The following DPYD variants were observed in gnomAD, a reference collection of about 807,000 sequenced individuals.
The protein encoded by DPYD is dihydropyrimidine dehydrogenase.
Under a neutral mutation model 116.2 loss-of-function variants are expected in DPYD, and 109 were observed. The ratio of observed to expected loss-of-function variants is 0.94; its 90% CI spans 0.80 to 1.10. The LOEUF (loss-of-function observed/expected upper bound fraction) is 1.10. DPYD is among the 50% of genes least tolerant of loss of function. DPYD has a pLI of 0.00. For missense variants in DPYD, 1,302 were observed against 1,254.5 expected, an observed-to-expected ratio of 1.04 and a Z score of -0.57; for synonymous variants, 440 against 432.0, an observed-to-expected ratio of 1.02 and a Z score of -0.23.
At chr1:97,552,376 A>T (rs1265507495) in intron 11 of DPYD, among the ~76,000 whole-genome samples, 1 of 152,100 alleles carries the variant, frequency 6.6e-6, no homozygotes, top group African/African-American at 2.4e-5. Context: ...ATTCACTTTA[A>T]CACTCCACCT....
At chr1:97,503,794 G>GA (rs896179165) in intron 13 of DPYD, among the ~76,000 whole-genome samples, 8 of 150,014 alleles carry the variant, frequency 5.3e-5, no homozygotes, top group Non-Finnish European at 1.0e-4. Context: ...ACAAAATCCA[G>GA]AAAAAAAAAT....
At chr1:97,407,304 T>A (rs1384329379) in intron 14 of DPYD, among the ~76,000 whole-genome samples, 2 of 152,196 alleles carry the variant, frequency 1.3e-5, no homozygotes, top group Non-Finnish European at 2.9e-5. Context: ...TAAAACATTT[T>A]CTTTAAAGAT....
intron 16 of DPYD, among the ~76,000 whole-genome samples, chr1:97,337,201 T>C (rs951134445): frequency 6.6e-6 from 1 of 152,046 alleles, no homozygotes; most frequent in Non-Finnish European, 1.5e-5. Context: ...AAATGAAAAA[T>C]GTAAAAGCTG....
rs59090402 is a variant in DPYD, at chr1:97,469,397, C to CAAAAAAAAAAAAAAAAAAA, written c.1741-19193_1741-19175dup. On this transcript the variant is annotated intron_variant, in intron 13 of 22. Transcript: ENST00000370192. The stretch of plus-strand genomic sequence containing the variant: ...ATAGCTCTAAGGGAAGCTAAAATTG[C>CAAAAAAAAAAAAAAAAAAA]AAAAAAAAAAAAAAAAAAAAAAAAA... Among the ~76,000 whole-genome samples, 51 of 80,806 alleles carry CAAAAAAAAAAAAAAAAAAA rather than the reference C, an allele frequency of 6.3e-4. 2 individuals carry two copies. Among genetic ancestry groups the CAAAAAAAAAAAAAAAAAAA allele is most frequent in the African/African-American group, 2.4e-3 (45 of 18,472 alleles). The allele number at this position is 80,806 out of a possible 152,430, so 53.0% of individuals were successfully genotyped here.
At chr1:97,209,104 G>A (rs1659869979) in intron 19 of DPYD, among the ~76,000 whole-genome samples, 1 of 152,014 alleles carries the variant, frequency 6.6e-6, no homozygotes, top group Admixed American at 6.6e-5. Flanking sequence ...TTGAGACAAG[G>A]AAATGACCTG....
chr1:97,454,250 T>C (rs1676568562), intron 13 of DPYD, among the ~76,000 whole-genome samples: 1 of 151,964 alleles, frequency 6.6e-6, no homozygotes, highest in African/African-American at 2.4e-5. Flanking sequence ...GAAAGATGAA[T>C]GAAAACACAT....
intron 20 of DPYD, among the ~76,000 whole-genome samples, chr1:97,129,639 T>G (rs1281856862): frequency 6.6e-6 from 1 of 152,138 alleles, no homozygotes; most frequent in East Asian, 1.9e-4. Flanking sequence ...TGATCTCACA[T>G]GGCCTATTCC....
At chr1:97,581,326 C>CAAAAAAAA (rs1161399547) in intron 10 of DPYD, among the ~76,000 whole-genome samples, 1 of 66,602 alleles carries the variant, frequency 1.5e-5, no homozygotes, top group Non-Finnish European at 2.5e-5. Flanking sequence ...GACTCAGTCT[C>CAAAAAAAA]AAAAAAAAAA....
chr1:97,537,439 C>T (rs531478143), intron 12 of DPYD, among the ~76,000 whole-genome samples: 1 of 152,104 alleles, frequency 6.6e-6, no homozygotes, highest in South Asian at 2.1e-4. Flanking sequence ...AAAGATAATT[C>T]CTTTAAAATG....
At chr1:97,809,125 G>C (rs967405086) in intron 3 of DPYD, among the ~76,000 whole-genome samples, 5 of 152,130 alleles carry the variant, frequency 3.3e-5, no homozygotes, top group South Asian at 2.1e-4. Flanking sequence ...AGTGGGTTTT[G>C]AACAGAAGAG....
At chr1:97,290,875 A>T (rs1666098367) in intron 18 of DPYD, among the ~76,000 whole-genome samples, 1 of 152,252 alleles carries the variant, frequency 6.6e-6, no homozygotes, top group Non-Finnish European at 1.5e-5. Flanking sequence ...ACAGCAAAAG[A>T]AACTACCATC....
chr1:97,350,031 AGACAAAGTTAATT>A (rs763138123), intron 16 of DPYD, among the ~76,000 whole-genome samples: 30 of 152,046 alleles, frequency 2.0e-4, no homozygotes, highest in Middle Eastern at 3.2e-3. Flanking sequence ...AGAAACAGAA[AGACAAAGTTAATT>A]TTTAAGCAAA....
At chr1:97,322,090 G>A (rs1204238447) in intron 16 of DPYD, among the ~76,000 whole-genome samples, 1 of 104,150 alleles carries the variant, frequency 9.6e-6, no homozygotes, top group Non-Finnish European at 1.9e-5. Flanking sequence ...GTGGTGGGGT[G>A]GGGGGAGGGG....
intron 14 of DPYD, among the ~76,000 whole-genome samples, chr1:97,407,560 A>C (rs1673735211): frequency 6.6e-6 from 1 of 152,160 alleles, no homozygotes; most frequent in Non-Finnish European, 1.5e-5. Flanking sequence ...AGCTGGATTA[A>C]TAGAATGGTG....
intron 18 of DPYD, among the ~76,000 whole-genome samples, chr1:97,264,165 T>G (rs978847948): frequency 1.7e-5 from 1 of 58,354 alleles, no homozygotes; most frequent in African/African-American, 9.3e-5. Context: ...AAATTCTGTT[T>G]TTTTTTTTTT....
rs1231196993 is a variant in DPYD, at chr1:97,354,474, A to G, written c.2058+19087T>C. Among the ~76,000 whole-genome samples, 6 of 152,236 alleles carry G rather than the reference A, an allele frequency of 3.9e-5. No individual in the cohort carries two copies. The East Asian group carries it at 1.2e-3, about 29-fold the overall frequency. On this transcript the variant is annotated intron_variant, in intron 16 of 22. Coordinates refer to ENST00000370192, the MANE Select transcript of DPYD (RefSeq NM_000110.4). ...CCAAAGATAAAATATTTTGAAAAAGATGGTCCAGATCACAGAAAATTGTTA... is the reference window on the plus strand; with the variant it reads ...CCAAAGATAAAATATTTTGAAAAAGGTGGTCCAGATCACAGAAAATTGTTA...
intron 13 of DPYD, among the ~76,000 whole-genome samples, chr1:97,508,410 G>A (rs1038817239): frequency 1.3e-5 from 2 of 152,084 alleles, no homozygotes; most frequent in East Asian, 3.9e-4. Flanking sequence ...GGGCCAGTGT[G>A]GCTGGCAAAA....
At chr1:97,416,938 CAA>C (rs902413436) in intron 14 of DPYD, among the ~76,000 whole-genome samples, 7 of 152,126 alleles carry the variant, frequency 4.6e-5, no homozygotes, top group African/African-American at 9.7e-5. Flanking sequence ...TTTCAATTTT[CAA>C]AAGAGTGTCT....
intron 12 of DPYD, among the ~76,000 whole-genome samples, chr1:97,519,613 G>C (rs1648490466): frequency 6.6e-6 from 1 of 152,080 alleles, no homozygotes; most frequent in Admixed American, 6.6e-5. Flanking sequence ...TGTAGAGCTA[G>C]AACAATCAAA....
Sources: allele counts gnomAD v4.1 joint callset (sites outside exome capture counted in the v4.1 genomes callset), GRCh38; gene constraint gnomAD v4.1.1; transcripts MANE v1.5; gene names NCBI Gene and HGNC (gene_info 2026-07-23, HGNC 2026-07-21).